Variants in RANBP17 observed in about 807,000 individuals in gnomAD.
RANBP17 encodes RAN binding protein 17, also known as ran-binding protein 17.
Under a neutral mutation model 141.2 loss-of-function variants are expected in RANBP17, and 158 were observed. The observed-to-expected ratio is 1.12, with a 90% CI of 0.98 to 1.28. The LOEUF is 1.28. Among genes scored for constraint, RANBP17 ranks in the 50% most tolerant of loss-of-function variants. The pLI, the probability that RANBP17 is intolerant of heterozygous loss-of-function variation, is 0.00. For synonymous variants in RANBP17, 430 were observed against 450.0 expected, an observed-to-expected ratio of 0.96 and a Z score of 0.56; for missense variants, 1,438 against 1,290.7, an observed-to-expected ratio of 1.11 and a Z score of -1.75.
intron 25 of RANBP17, among the ~76,000 whole-genome samples, chr5:171,291,530 A>G (rs766575342): frequency 1.1e-4 from 16 of 152,168 alleles, no homozygotes; most frequent in Admixed American, 3.9e-4. Flanking sequence ...CGGGTGGTGC[A>G]GAATTGCCAA....
intron 14 of RANBP17, among the ~76,000 whole-genome samples, chr5:171,052,239 C>A (rs544052005): frequency 2.0e-5 from 3 of 152,098 alleles, no homozygotes; most frequent in Non-Finnish European, 2.9e-5. Context: ...CTTTGAAGCT[C>A]AAGATTCTTT....
chr5:171,164,033 C>T (rs1320233231), intron 14 of RANBP17, among the ~76,000 whole-genome samples: 1 of 152,064 alleles, frequency 6.6e-6, no homozygotes, highest in Non-Finnish European at 1.5e-5. Flanking sequence ...TTTTGAAAAC[C>T]TATAGAACCA....
intron 18 of RANBP17, among the ~76,000 whole-genome samples, chr5:171,190,208 A>G (rs1438881474): frequency 1.3e-5 from 2 of 152,172 alleles, no homozygotes; most frequent in East Asian, 3.8e-4. Context: ...GTGTCACATT[A>G]ATTGGTATTT....
At chr5:170,936,781 A>G (rs139851511) in intron 12 of RANBP17, among the ~76,000 whole-genome samples, 97 of 152,282 alleles carry the variant, frequency 6.4e-4, no homozygotes, top group Admixed American at 5.4e-3. Context: ...TGTCTGTGTA[A>G]TTATATTGTT....
At chr5:171,281,426 A>G (rs148715307) in intron 25 of RANBP17, among the ~76,000 whole-genome samples, 1 of 152,370 alleles carries the variant, frequency 6.6e-6, no homozygotes, top group African/African-American at 2.4e-5. Flanking sequence ...AACTAAAAGC[A>G]TCAATTAGAG....
chr5:170,911,483 G>A, intron 7 of RANBP17: 1 of 659,522 alleles, frequency 1.5e-6, no homozygotes, highest in Non-Finnish European at 2.9e-6. Context: ...TTCAGGTGCT[G>A]GTCAAACCTT....
intron 14 of RANBP17, among the ~76,000 whole-genome samples, chr5:171,087,346 T>G (rs897877107): frequency 3.9e-5 from 6 of 152,070 alleles, no homozygotes; most frequent in Non-Finnish European, 7.4e-5. Context: ...TTATAATTTC[T>G]GTTCTTTTAC....
chr5:170,960,072 A>T (rs1776022975), intron 13 of RANBP17, among the ~76,000 whole-genome samples: 1 of 152,192 alleles, frequency 6.6e-6, no homozygotes, highest in African/African-American at 2.4e-5. Context: ...TTTTCTTGAT[A>T]GTACTTATTA....
Position 171,078,120 on chromosome 5 carries a change from C to A in RANBP17, c.1711-92010C>A, listed in dbSNP as rs983813017. Among the ~76,000 whole-genome samples the A allele has an allele frequency of 1.3e-3, 183 of 143,884 alleles. 1 individual carries two copies. The highest frequency in any genetic ancestry group is 2.2e-3 in the Admixed American group (30 of 13,442). 94.4% of individuals were successfully genotyped at this position (143,884 alleles called of 152,430 possible). ...GTGGCTTCACTAAACAACAGATTTT[C>A]TTTTCTTTTCTTTCTTTTTTTTTTT... On this transcript the variant is annotated intron_variant, in intron 14 of 27. Coordinates refer to ENST00000523189, the MANE Select transcript of RANBP17 (RefSeq NM_022897.5).
At chr5:171,212,028 TAGG>T (rs1762924650) in intron 20 of RANBP17, among the ~76,000 whole-genome samples, 1 of 152,148 alleles carries the variant, frequency 6.6e-6, no homozygotes, top group South Asian at 2.1e-4. Flanking sequence ...AAGCTTATAA[TAGG>T]AGAGATATAC....
intron 24 of RANBP17, among the ~76,000 whole-genome samples, chr5:171,256,561 G>C (rs1765908570): frequency 6.6e-6 from 1 of 151,968 alleles, no homozygotes; most frequent in Admixed American, 6.6e-5. Flanking sequence ...GAAATAGTAA[G>C]GATCAGAGCA....
chr5:171,026,790 A>G (rs1456111308), intron 14 of RANBP17, among the ~76,000 whole-genome samples: 2 of 152,196 alleles, frequency 1.3e-5, no homozygotes, highest in Non-Finnish European at 2.9e-5. Flanking sequence ...ACAAATTTCA[A>G]TTAAATACTG....
At chr5:171,050,962 G>C (rs1782915247) in intron 14 of RANBP17, among the ~76,000 whole-genome samples, 1 of 152,100 alleles carries the variant, frequency 6.6e-6, no homozygotes, top group South Asian at 2.1e-4. Flanking sequence ...ATAGAATTTT[G>C]ATTTGATGGT....
In RANBP17 at chr5:171,171,585, T is replaced by G. The variant is rs1252140991; in HGVS notation, c.1865+299T>G. Among the ~76,000 whole-genome samples the G allele has an allele frequency of 2.0e-5, 3 of 152,024 alleles. No individual in the cohort carries two copies. The South Asian group carries it at 6.2e-4, about 31-fold the overall frequency. On this transcript the variant is annotated intron_variant, in intron 16 of 27. Transcript: ENST00000523189. ...TTATATAAGAAAGTCCACATGTATT[T>G]TAGTTCATGCTTTTTTGTAATTGTC...
intron 14 of RANBP17, among the ~76,000 whole-genome samples, chr5:171,064,499 T>C (rs1325282325): frequency 2.0e-5 from 3 of 152,068 alleles, no homozygotes; most frequent in Non-Finnish European, 4.4e-5. Context: ...CATTTGTTTG[T>C]TTTTTTGTTT....
intron 12 of RANBP17, among the ~76,000 whole-genome samples, chr5:170,938,565 G>T (rs1209380896): frequency 6.6e-6 from 1 of 151,978 alleles, no homozygotes; most frequent in Non-Finnish European, 1.5e-5. Context: ...AATAGTTAAA[G>T]AAATAAAAAA....
intron 14 of RANBP17, among the ~76,000 whole-genome samples, chr5:171,035,911 T>C (rs1561578448): frequency 6.6e-6 from 1 of 151,960 alleles, no homozygotes; most frequent in Non-Finnish European, 1.5e-5. Context: ...TTTCTTTCTT[T>C]GAGACAGAGT....
intron 4 of RANBP17, among the ~76,000 whole-genome samples, chr5:170,893,574 A>T (rs1029983842): frequency 6.6e-6 from 1 of 152,018 alleles, no homozygotes; most frequent in African/African-American, 2.4e-5. Context: ...CGTGCGGATC[A>T]TGAGGTCAGG....
rs376148114 is a variant in RANBP17, at chr5:170,896,066, G to A, written c.440G>A (p.Cys147Tyr). The change falls in exon 5 of 28, where the codon TGC becomes TAC. Residue 147 changes from cysteine to tyrosine, a missense_variant. By Grantham distance (194) the Cys-to-Tyr change is radical (BLOSUM62 -2). Coordinates refer to ENST00000523189, the MANE Select transcript of RANBP17 (RefSeq NM_022897.5). ...TCTCCAAAGGGTACTGTGGAACACT[G>A]CATAATAGGAGTAATAATCCTTTCT... Reference protein sequence around the residue: ...KKFLQGTVEHCIIGVIILSEL... With the variant: ...KKFLQGTVEHYIIGVIILSEL... 1 of 1,607,658 alleles carries A rather than the reference G, an allele frequency of 6.2e-7. No homozygotes were observed. Among genetic ancestry groups the A allele is most frequent in the African/African-American group, 1.3e-5 (1 of 74,598 alleles).
Sources: allele counts gnomAD v4.1 joint callset (sites outside exome capture counted in the v4.1 genomes callset), GRCh38; gene constraint gnomAD v4.1.1; transcripts MANE v1.5; gene names NCBI Gene and HGNC (gene_info 2026-07-23, HGNC 2026-07-21).